The following FAM53A variants were observed in gnomAD, a reference collection of about 807,000 sequenced individuals.
FAM53A encodes family with sequence similarity 53 member A, also known as protein FAM53A.
In FAM53A, 28 loss-of-function variants were observed where a neutral mutation model predicts 26.6. The ratio of observed to expected loss-of-function variants is 1.05; its 90% CI spans 0.78 to 1.45. The LOEUF (loss-of-function observed/expected upper bound fraction) is 1.45, where lower values mean the gene tolerates loss of function less well. FAM53A is among the 40% of genes most tolerant of loss of function. The pLI is 0.00. For missense variants in FAM53A, 650 were observed against 575.8 expected (o/e 1.13, Z -1.32); for synonymous variants, 290 against 253.1 (o/e 1.15, Z -1.38).
intron 1 of FAM53A, among the ~76,000 whole-genome samples, chr4:1,622,923 G>A (rs1407887072): frequency 6.6e-6 from 1 of 152,250 alleles, no homozygotes; most frequent in Admixed American, 6.5e-5. Flanking sequence ...CGGCCAGCAT[G>A]AACCTCACGC....
intron 1 of FAM53A, among the ~76,000 whole-genome samples, chr4:1,669,440 G>C (rs1159848922): frequency 6.6e-6 from 1 of 152,196 alleles, no homozygotes; most frequent in Non-Finnish European, 1.5e-5. Flanking sequence ...GGGCTCAGGG[G>C]GTCTTTCAGG....
At chr4:1,624,515 C>T (rs1214678709) in intron 1 of FAM53A, among the ~76,000 whole-genome samples, 2 of 152,208 alleles carry the variant, frequency 1.3e-5, no homozygotes, top group Non-Finnish European at 2.9e-5. Flanking sequence ...GGGGTGACTG[C>T]GCAGGGACTC....
chr4:1,575,041 C>T, the FAM53A span, among the ~76,000 whole-genome samples: 1 of 152,220 alleles, frequency 6.6e-6, no homozygotes, highest in South Asian at 2.1e-4. Flanking sequence ...GTCCAGTCCC[C>T]ACGCAGTGAA....
At chr4:1,600,795 C>A in the FAM53A span, among the ~76,000 whole-genome samples, 3 of 152,182 alleles carry the variant, frequency 2.0e-5, no homozygotes, top group African/African-American at 7.2e-5. Flanking sequence ...CTCAGGCAAT[C>A]CCCCTGCACC....
At chr4:1,612,578 A>C in the FAM53A span, among the ~76,000 whole-genome samples, 1 of 152,210 alleles carries the variant, frequency 6.6e-6, no homozygotes, top group Non-Finnish European at 1.5e-5. Flanking sequence ...CACTCGCGTA[A>C]ACACGCACAT....
At chr4:1,626,669 G>A (rs1715321168) in intron 1 of FAM53A, among the ~76,000 whole-genome samples, 1 of 151,832 alleles carries the variant, frequency 6.6e-6, no homozygotes, top group African/African-American at 2.4e-5. Context: ...CTGAGCCCGG[G>A]GGGACCCGGG....
At position 1,655,410 on chromosome 4, in the gene FAM53A, C is replaced by T; in HGVS notation, c.450G>A (p.Lys150=). ...GSSKVWTPVS[K]RRCDSGGSAT... ...CACTCCCGCCGCTGTCGCACCGCCT[C>T]TTGGAGACTGGAGTCCAGACCTTGG... The change falls in exon 4 of 5, where the codon AAG becomes AAA. Residue 150 remains lysine, a synonymous_variant. Transcript: ENST00000308132. 6.7e-7 allele frequency: 1 copy of T among 1,484,326 alleles called. No homozygotes were observed. The highest frequency in any genetic ancestry group is 1.4e-5 in the South Asian group (1 of 72,614). The allele number at this position is 1,484,326 out of a possible 1,614,324, so 91.9% of individuals were successfully genotyped here. A position where few individuals can be genotyped will look rare whatever the true frequency, so the allele number is the denominator to read the frequency against.
the FAM53A span, among the ~76,000 whole-genome samples, chr4:1,604,142 G>A: frequency 2.6e-5 from 4 of 152,198 alleles, no homozygotes; most frequent in African/African-American, 4.8e-5. Context: ...GACAGGACCC[G>A]AGGAAAGGTT....
chr4:1,638,377 C>T (rs1715941540), downstream of FAM53A, among the ~76,000 whole-genome samples: 1 of 152,154 alleles, frequency 6.6e-6, no homozygotes, highest in Non-Finnish European at 1.5e-5. Context: ...GCAGAGGACA[C>T]AGCAGGTCGG....
Position 1,655,368 on chromosome 4 carries a change from G to T in FAM53A, c.492C>A (p.Ser164Arg). ...DSGGSATRQG[S>R]PGAVLPRSAV... ...CACTCCTCGGCAGGACGGCGCCGGG[G>T]CTTCCCTGCCGCGTGGCACTCCCGC... The change falls in exon 4 of 5, where the codon AGC becomes AGA. Residue 164 changes from serine to arginine, a missense_variant. Coordinates refer to ENST00000308132, the MANE Select transcript of FAM53A (RefSeq NM_001174070.3). 1.4e-6 allele frequency: 2 copies of T among 1,443,578 alleles called. No homozygotes were observed. Among genetic ancestry groups the T allele is most frequent in the Non-Finnish European group, 1.8e-6 (2 of 1,099,240 alleles). 89.4% of individuals were successfully genotyped at this position (1,443,578 alleles called of 1,614,324 possible). A position where few individuals can be genotyped will look rare whatever the true frequency, so the allele number is the denominator to read the frequency against.
intron 4 of FAM53A, among the ~76,000 whole-genome samples, chr4:1,642,664 C>A (rs1170467811): frequency 5.3e-5 from 8 of 151,422 alleles, no homozygotes; most frequent in Admixed American, 3.9e-4. Flanking sequence ...CACTCCCGGG[C>A]CCCCACCCCC....
intron 1 of FAM53A, among the ~76,000 whole-genome samples, chr4:1,672,347 T>G (rs13102131): frequency 0.67 from 88,395 of 132,148 alleles, 27,520 homozygotes; most frequent in East Asian, 0.9. Context: ...CATAGACCCA[T>G]GGACCCAGGA....
chr4:1,585,921 C>T, the FAM53A span, among the ~76,000 whole-genome samples: 1 of 152,012 alleles, frequency 6.6e-6, no homozygotes, highest in East Asian at 1.9e-4. Flanking sequence ...ATTTTTAGTA[C>T]AGACAGGGTT....
rs1173720843 is a variant in FAM53A at position 1,657,400 on chromosome 4, G to A, written c.136+8C>T. On this transcript the variant is annotated splice_region_variant and intron_variant, in intron 3 of 4. Coordinates refer to ENST00000308132, the MANE Select transcript of FAM53A (RefSeq NM_001174070.3). ...CAGGCCTCCGGCCACAGCTCCTAAAGTGCTCACCGTTGAGCTCCAAAGGGA... is the reference window on the plus strand; with the variant it reads ...CAGGCCTCCGGCCACAGCTCCTAAAATGCTCACCGTTGAGCTCCAAAGGGA... 5 of 1,612,554 alleles carry A rather than the reference G, an allele frequency of 3.1e-6. No homozygotes were observed. Among genetic ancestry groups the A allele is most frequent in the East Asian group, 4.5e-5 (2 of 44,884 alleles).
intron 1 of FAM53A, among the ~76,000 whole-genome samples, chr4:1,678,044 C>A (rs1054513193): frequency 6.6e-6 from 1 of 152,158 alleles, no homozygotes; most frequent in African/African-American, 2.4e-5. Flanking sequence ...TGACACTATT[C>A]AACTCTAAGA....
At chr4:1,614,941 G>A (rs983362198), downstream of FAM53A, among the ~76,000 whole-genome samples, 2 of 152,210 alleles carry the variant, frequency 1.3e-5, no homozygotes, top group African/African-American at 2.4e-5. Context: ...CACAGGGGCC[G>A]CTTTAAACAG....
intron 1 of FAM53A, among the ~76,000 whole-genome samples, chr4:1,670,352 C>A (rs530283587): frequency 6.6e-6 from 1 of 152,392 alleles, no homozygotes; most frequent in African/African-American, 2.4e-5. Context: ...GGCAAAGGCG[C>A]CACCACCAAC....
chr4:1,655,105 C>T lies in FAM53A; in HGVS notation c.755G>A (p.Arg252His), dbSNP rs199989747. The change falls in exon 4 of 5, where the codon CGC (arginine) becomes CAC (histidine). Residue 252 changes from arginine to histidine, a missense_variant. Arg to His is a conservative substitution (Grantham distance 29, BLOSUM62 0). Coordinates refer to ENST00000308132, the MANE Select transcript of FAM53A (RefSeq NM_001174070.3). ...TGAGCGGCACCGGAGCAGCCCACGG[C>T]GCCCGCCCAGCGCAGGCGTGGACGT... ...SPTSTPALGG[R>H]RGLLRCRSQP... is the part of the protein sequence containing the mutation. The T allele has an allele frequency of 1.6e-5, 25 of 1,600,856 alleles. No individual in the cohort carries two copies. Among genetic ancestry groups the T allele is most frequent in the African/African-American group, 1.5e-4 (11 of 74,132 alleles).
chr4:1,608,442 C>T, the FAM53A span, among the ~76,000 whole-genome samples: 8 of 152,352 alleles, frequency 5.3e-5, no homozygotes, highest in South Asian at 8.3e-4. Flanking sequence ...CCCCTCCCCG[C>T]CCAGGCGCCA....
Sources: allele counts gnomAD v4.1 joint callset (sites outside exome capture counted in the v4.1 genomes callset), GRCh38; gene constraint gnomAD v4.1.1; transcripts MANE v1.5; gene names NCBI Gene and HGNC (gene_info 2026-07-23, HGNC 2026-07-21).